Variants in POLR1A observed in about 807,000 individuals in gnomAD.
POLR1A encodes the protein DNA-directed RNA polymerase I subunit RPA1.
Under a neutral mutation model 205.3 loss-of-function variants are expected in POLR1A, and 84 were observed. That is an observed-to-expected ratio of 0.41 (90% CI 0.34 to 0.49). The LOEUF is 0.49. Among genes scored for constraint, POLR1A ranks in the 20% least tolerant of loss-of-function variants. The pLI is 0.22. For missense variants in POLR1A, 1,645 were observed against 2,204.5 expected, an observed-to-expected ratio of 0.75 and a Z score of 5.08; for synonymous variants, 799 against 863.7, an observed-to-expected ratio of 0.93 and a Z score of 1.31.
intron 12 of POLR1A, among the ~76,000 whole-genome samples, 195 bp downstream of exon 12, chr2:86,074,835 G>C (rs1422655722): frequency 6.6e-6 from 1 of 152,204 alleles, no homozygotes; most frequent in African/African-American, 2.4e-5. Context: ...CCTTTGAGTA[G>C]TCCTGTTTAA....
intron 1 of POLR1A, among the ~76,000 whole-genome samples, chr2:86,101,237 C>A (rs559976204): frequency 6.6e-6 from 1 of 152,302 alleles, no homozygotes. Flanking sequence ...CCCAATCTGA[C>A]AGCCTAGAGG....
At chr2:86,053,327 G>A (rs1292890674) in intron 15 of POLR1A, among the ~76,000 whole-genome samples, 1 of 151,444 alleles carries the variant, frequency 6.6e-6, no homozygotes, top group East Asian at 1.9e-4. Context: ...ACCCACCCAC[G>A]CTGACTTGAG....
chr2:86,087,833 G>A (rs977029856), intron 6 of POLR1A, among the ~76,000 whole-genome samples: 19 of 152,234 alleles, frequency 1.2e-4, no homozygotes, highest in African/African-American at 3.4e-4. Flanking sequence ...GTGAGCTACC[G>A]TGCCCAGCCA....
intron 1 of POLR1A, among the ~76,000 whole-genome samples, chr2:86,102,156 G>A (rs575901367): frequency 6.6e-6 from 1 of 152,312 alleles, no homozygotes; most frequent in South Asian, 2.1e-4. Context: ...ACATCCAGAA[G>A]TAGAATTGCT....
At chr2:86,086,279 T>G (rs1673503322) in intron 6 of POLR1A, among the ~76,000 whole-genome samples, 2 of 152,098 alleles carry the variant, frequency 1.3e-5, no homozygotes, top group South Asian at 4.1e-4. Context: ...AGGCTGGTCT[T>G]GAACTCCTGA....
In POLR1A at chr2:86,075,214, T is replaced by C; in HGVS notation, c.1427A>G (p.Asn476Ser). 8 of 1,612,190 alleles carry C rather than the reference T, an allele frequency of 5.0e-6. No individual in the cohort carries two copies. The highest frequency in any genetic ancestry group is 6.8e-6 in the Non-Finnish European group (8 of 1,179,056). Residue 476 changes from asparagine (N) to serine (S), a missense_variant, in exon 12 of 34, where the codon AAT (asparagine) becomes AGT (serine). Asn to Ser is a conservative substitution (Grantham distance 46). Coordinates refer to ENST00000263857, the MANE Select transcript of POLR1A (RefSeq NM_015425.6). ...LTYPQPVTPW[N>S]VQELRQAVIN... ...GACCGCTTGCCTAAGTTCCTGAACATTCCATGGGGTAACTGGCTGTGGGTA... is the reference window on the plus strand; with the variant it reads ...GACCGCTTGCCTAAGTTCCTGAACACTCCATGGGGTAACTGGCTGTGGGTA...
At chr2:86,059,950 T>C (rs1342066172) in intron 14 of POLR1A, among the ~76,000 whole-genome samples, 1 of 152,154 alleles carries the variant, frequency 6.6e-6, no homozygotes, top group Non-Finnish European at 1.5e-5. Context: ...TTTATCTTTA[T>C]CAATAAACTT....
chr2:86,082,889 G>T (rs1673431172), intron 7 of POLR1A, among the ~76,000 whole-genome samples, 193 bp downstream of exon 7: 1 of 152,166 alleles, frequency 6.6e-6, no homozygotes, highest in Non-Finnish European at 1.5e-5. Flanking sequence ...CAAGTTTTTG[G>T]TGCTGGGTAT....
chr2:86,028,103 T>A lies in POLR1A; in HGVS notation c.4898-54A>T, dbSNP rs1477384412. ...GATTAAGCAGTGACCACGGGAGCAG[T>A]CAGCAGACACAAGCCAAGCTGCCTC... On this transcript the variant is annotated intron_variant, in intron 32 of 33. Coordinates refer to ENST00000263857, the MANE Select transcript of POLR1A (RefSeq NM_015425.6). This position sits in a 1 kb window ranked among gnomAD's most constrained non-coding sequence, Gnocchi z 4.5. 2 of 1,576,088 alleles carry A rather than the reference T, an allele frequency of 1.3e-6. No individual in the cohort carries two copies. The highest frequency in any genetic ancestry group is 1.3e-5 in the African/African-American group (1 of 74,118).
At chr2:86,051,590 G>A (rs1026756910) in intron 16 of POLR1A, among the ~76,000 whole-genome samples, 13 of 152,292 alleles carry the variant, frequency 8.5e-5, no homozygotes, top group African/African-American at 2.9e-4. Flanking sequence ...TGCACACTGC[G>A]GTGCATGCCT....
At chr2:86,093,458 A>G (rs1673645535) in intron 3 of POLR1A, among the ~76,000 whole-genome samples, 1 of 152,222 alleles carries the variant, frequency 6.6e-6, no homozygotes, top group South Asian at 2.1e-4. Context: ...ATCATCAAAA[A>G]ATGGTAACTT....
In POLR1A at chr2:86,041,372, C is replaced by T. The variant is rs1381997028; in HGVS notation, c.3572+517G>A. Among the ~76,000 whole-genome samples, 6 of 118,156 alleles carry T rather than the reference C, an allele frequency of 5.1e-5. No individual in the cohort carries two copies. In the South Asian group the frequency reaches 1.1e-3, roughly 22 times the overall value. The allele number at this position is 118,156 out of a possible 152,430, so 77.5% of individuals were successfully genotyped here. A position where few individuals can be genotyped will look rare whatever the true frequency, so the allele number is the denominator to read the frequency against. On this transcript the variant is annotated intron_variant, in intron 24 of 33. Coordinates refer to ENST00000263857, the MANE Select transcript of POLR1A (RefSeq NM_015425.6). Reference sequence around the variant, plus strand: ...AAAGGTGTGTGTGTGTGTGCGCGCGCGCGCTGAGCTACAGTGTCTGTGTGT... The same window carrying T: ...AAAGGTGTGTGTGTGTGTGCGCGCGTGCGCTGAGCTACAGTGTCTGTGTGT...
At chr2:86,039,535 TG>T in intron 25 of POLR1A, 73 bp from the exon 26 acceptor site, 1 of 1,564,928 alleles carries the variant, frequency 6.4e-7, no homozygotes, top group Non-Finnish European at 8.8e-7. Context: ...CTTCTCCTAA[TG>T]ATGTCAGAGT....
rs1672310802 is a variant in POLR1A at position 86,028,465 on chromosome 2, G to A, written c.4897+129C>T. ...CTACAGGTGCACTCACTGCACGCAT[G>A]CTGCAGTGCCTGCCTTAGTGCTGGA... On this transcript the variant is annotated intron_variant, in intron 32 of 33. Coordinates refer to ENST00000263857, the MANE Select transcript of POLR1A (RefSeq NM_015425.6). The surrounding 1 kb of genome is among the most constrained non-coding windows in gnomAD (Gnocchi z 4.5). 5 of 715,402 alleles carry A rather than the reference G, an allele frequency of 7.0e-6. No individual in the cohort carries two copies. Among genetic ancestry groups the A allele is most frequent in the Non-Finnish European group, 1.3e-5 (5 of 386,520 alleles). The allele number at this position is 715,402 out of a possible 1,614,324, so 44.3% of individuals were successfully genotyped here.
intron 21 of POLR1A, 44 bp downstream of exon 21, chr2:86,045,234 G>A (rs754448655): frequency 6.6e-6 from 8 of 1,220,258 alleles, no homozygotes; most frequent in Admixed American, 1.9e-5. Context: ...TGGCAGGAAG[G>A]GCCCTGGCAC....
chr2:86,066,443 G>A (rs1202888028), intron 13 of POLR1A, among the ~76,000 whole-genome samples: 4 of 152,122 alleles, frequency 2.6e-5, no homozygotes, highest in East Asian at 3.9e-4. Context: ...CTTATCTGTC[G>A]GGTCTGTGTT....
rs55714410 is a variant in POLR1A, at chr2:86,071,175, G to GAA, written c.1612-905_1612-904dup. On this transcript the variant is annotated intron_variant, in intron 12 of 33. Transcript: ENST00000263857. ...AAACCCAGGTGGCATGTGACATGAT[G>GAA]AAAAAAAAAAACAATTTAAAAACCA... is the stretch of plus-strand genomic sequence containing the variant. Among the ~76,000 whole-genome samples, 291 of 144,124 alleles carry GAA rather than the reference G, an allele frequency of 2.0e-3. 1 individual carries two copies. Among genetic ancestry groups the GAA allele is most frequent in the Non-Finnish European group, 2.7e-3 (181 of 66,612 alleles). The allele number at this position is 144,124 out of a possible 152,430, so 94.6% of individuals were successfully genotyped here. A position where few individuals can be genotyped will look rare whatever the true frequency, so the allele number is the denominator to read the frequency against.
chr2:86,098,146 G>A (rs573109332), intron 3 of POLR1A, among the ~76,000 whole-genome samples: 1 of 152,354 alleles, frequency 6.6e-6, no homozygotes, highest in South Asian at 2.1e-4. Flanking sequence ...TATCATGTAG[G>A]TTGTATTCTT....
At chr2:86,038,126 T>C (rs1672532034) in intron 27 of POLR1A, among the ~76,000 whole-genome samples, 1 of 152,236 alleles carries the variant, frequency 6.6e-6, no homozygotes, top group African/African-American at 2.4e-5. Context: ...TTCAAATATC[T>C]AACAGTAACT....
Sources: allele counts gnomAD v4.1 joint callset (sites outside exome capture counted in the v4.1 genomes callset), GRCh38; gene constraint gnomAD v4.1.1; non-coding constraint Gnocchi (gnomAD v3.1); transcripts MANE v1.5; gene names NCBI Gene and HGNC (gene_info 2026-07-23, HGNC 2026-07-21).